The following ATAT1 variants were observed in gnomAD, a reference collection of about 807,000 sequenced individuals.
ATAT1 encodes the protein alpha-tubulin N-acetyltransferase 1.
Under a neutral mutation model 57.2 loss-of-function variants are expected in ATAT1, and 42 were observed. The ratio of observed to expected loss-of-function variants is 0.73; its 90% CI spans 0.57 to 0.95. The LOEUF (loss-of-function observed/expected upper bound fraction) is 0.95. Ranked by LOEUF, ATAT1 falls within the 40% of genes least tolerant of loss-of-function variation. ATAT1 has a pLI of 0.00. For synonymous variants in ATAT1, 168 were observed against 187.1 expected (o/e 0.90, Z 0.83); for missense variants, 454 against 523.7 (o/e 0.87, Z 1.30).
In ATAT1 at chr6:30,626,901, G is replaced by A; in HGVS notation, c.-303G>A. On this transcript the variant is annotated 5_prime_UTR_variant, in exon 1 of 13. Transcript: ENST00000330083. ...ACAATGGGCCATGGAGTTCCCGTTCGATGTGGACGCGCTGTTCCCGGAGCG... is the reference window on the plus strand; with the variant it reads ...ACAATGGGCCATGGAGTTCCCGTTCAATGTGGACGCGCTGTTCCCGGAGCG... 1.2e-6 allele frequency: 2 copies of A among 1,608,566 alleles called. No homozygotes were observed. Among genetic ancestry groups the A allele is most frequent in the Non-Finnish European group, 1.7e-6 (2 of 1,178,320 alleles).
chr6:30,631,644 T>G (rs906887927), intron 6 of ATAT1, among the ~76,000 whole-genome samples: 3 of 150,484 alleles, frequency 2.0e-5, no homozygotes, highest in African/African-American at 7.4e-5. Flanking sequence ...CCAGGTGTAG[T>G]GGCACGCACC....
In ATAT1 at chr6:30,627,250, A is replaced by G. The variant is rs909995610; in HGVS notation, c.47A>G (p.Glu16Gly). Residue 16 changes from glutamate (E) to glycine (G), a missense_variant, in exon 1 of 13, where the codon GAG becomes GGG. By Grantham distance (98) the Glu-to-Gly change is moderately conservative. This residue lies in a region of ATAT1 where 236 missense variants were observed against 284.5 expected (regional missense o/e 0.83). Transcript: ENST00000330083. Reference sequence around the variant, plus strand: ...TGCTTCCTCACAATAACCTTAAGGGAGGAGGGAGTGTGCCACCTTGAAAGG... The same window carrying G: ...TGCTTCCTCACAATAACCTTAAGGGGGGAGGGAGTGTGCCACCTTGAAAGG... The G allele has an allele frequency of 6.2e-7, 1 of 1,613,706 alleles. No individual in the cohort carries two copies. The highest frequency in any genetic ancestry group is 1.7e-5 in the Admixed American group (1 of 59,966).
In ATAT1 at chr6:30,627,047, G is replaced by A. The variant is rs1477302377; in HGVS notation, c.-157G>A. 32 of 1,549,820 alleles carry A rather than the reference G, an allele frequency of 2.1e-5. No individual in the cohort carries two copies. Among genetic ancestry groups the A allele is most frequent in the East Asian group, 2.4e-5 (1 of 41,386 alleles). ...TTTCTCCCGGTTCCTCTCCAAACCT[G>A]GTCCAGGCACCACGCCCCCTTCTCA... On this transcript the variant is annotated 5_prime_UTR_variant, in exon 1 of 13. Coordinates refer to ENST00000330083, the MANE Select transcript of ATAT1 (RefSeq NM_001031722.4).
At chr6:30,637,159 G>A (rs561504525) in intron 6 of ATAT1, among the ~76,000 whole-genome samples, 1 of 152,322 alleles carries the variant, frequency 6.6e-6, no homozygotes, top group East Asian at 1.9e-4. Context: ...GGCCAGAGCA[G>A]TATAGAGTGT....
intron 6 of ATAT1, among the ~76,000 whole-genome samples, chr6:30,635,048 T>C (rs1054720717): frequency 6.6e-6 from 1 of 152,104 alleles, no homozygotes; most frequent in African/African-American, 2.4e-5. Context: ...CTTTAGTGTA[T>C]GTAGTTAGTT....
At chr6:30,630,377 C>T (rs1009849599) in intron 6 of ATAT1, among the ~76,000 whole-genome samples, 6 of 151,916 alleles carry the variant, frequency 3.9e-5, no homozygotes, top group African/African-American at 1.5e-4. Context: ...GGCCCATGCC[C>T]GTAATCCCAG....
intron 10 of ATAT1, chr6:30,643,484 C>G: frequency 7.1e-6 from 11 of 1,549,878 alleles, no homozygotes; most frequent in Non-Finnish European, 9.6e-6. Context: ...CCGCCCCCCG[C>G]CATTTCCCAT....
chr6:30,633,617 C>G (rs1763375432), intron 6 of ATAT1: 1 of 196,504 alleles, frequency 5.1e-6, no homozygotes, highest in African/African-American at 2.4e-5. Context: ...CATCGGATCA[C>G]CGCTGTGCCC....
intron 6 of ATAT1, among the ~76,000 whole-genome samples, chr6:30,632,738 G>A (rs1475739567): frequency 2.6e-5 from 4 of 151,544 alleles, no homozygotes; most frequent in Non-Finnish European, 4.4e-5. Flanking sequence ...TTCAAGACCA[G>A]TCTGGCTAAC....
intron 6 of ATAT1, among the ~76,000 whole-genome samples, chr6:30,630,716 T>A (rs1009528223): frequency 2.8e-4 from 42 of 152,022 alleles, no homozygotes; most frequent in African/African-American, 9.4e-4. Context: ...GGCAGGAGGA[T>A]CACCTGATAT....
intron 6 of ATAT1, among the ~76,000 whole-genome samples, chr6:30,636,517 C>T (rs1229078800): frequency 1.3e-5 from 2 of 151,910 alleles, no homozygotes; most frequent in Non-Finnish European, 2.9e-5. Flanking sequence ...ACCCAGGAGG[C>T]GGAGCTTGCA....
chr6:30,634,849 G>A (rs930074106), intron 6 of ATAT1, among the ~76,000 whole-genome samples: 6 of 152,080 alleles, frequency 3.9e-5, no homozygotes, highest in East Asian at 3.9e-4. Flanking sequence ...TTAGCCAGGC[G>A]TGGTGGCGGG....
intron 8 of ATAT1, 74 bp downstream of exon 8, chr6:30,640,677 G>A: frequency 1.3e-6 from 2 of 1,555,290 alleles, no homozygotes; most frequent in South Asian, 1.1e-5. Flanking sequence ...GGGGTACAGT[G>A]CCATCTGTGG....
intron 10 of ATAT1, chr6:30,644,398 C>G: frequency 3.0e-6 from 3 of 985,828 alleles, no homozygotes; most frequent in Non-Finnish European, 3.6e-6. Flanking sequence ...GATGGGGGAC[C>G]ACTCTTCCTC....
chr6:30,637,168 G>A (rs141557712), intron 6 of ATAT1, among the ~76,000 whole-genome samples: 7 of 152,254 alleles, frequency 4.6e-5, no homozygotes, highest in Admixed American at 4.6e-4. Context: ...AGTATAGAGT[G>A]TAAATAATAA....
intron 12 of ATAT1, 87 bp downstream of exon 12, chr6:30,646,196 A>G: frequency 2.0e-6 from 3 of 1,532,702 alleles, no homozygotes; most frequent in Non-Finnish European, 2.6e-6. Flanking sequence ...CTACTCTTAA[A>G]TCTTATTGTA....
chr6:30,628,694 T>G (rs1209808631), intron 6 of ATAT1, among the ~76,000 whole-genome samples: 1 of 151,968 alleles, frequency 6.6e-6, no homozygotes, highest in Non-Finnish European at 1.5e-5. Flanking sequence ...AACCTCCACT[T>G]CCTGGTTTCA....
intron 6 of ATAT1, among the ~76,000 whole-genome samples, chr6:30,637,020 C>A (rs553593512): frequency 6.6e-6 from 1 of 152,174 alleles, no homozygotes; most frequent in East Asian, 1.9e-4. Context: ...CCAGACGTCT[C>A]GAACTTCTGA....
In ATAT1 at chr6:30,642,833, G is replaced by GGGCCCCCCCCCCCCC; in HGVS notation, c.754_755insGGCCCCCCCCCCCCC (p.Ala252delinsGlyProProProProPro). On this transcript the variant is annotated protein_altering_variant, in exon 10 of 13. Coordinates refer to ENST00000330083, the MANE Select transcript of ATAT1 (RefSeq NM_001031722.4). ...GGCCCCTCGCCGCGCCACACCTCCA[G>GGGCCCCCCCCCCCCC]CCCACCCACCCCCCCGCTCCAGCAG... 4 of 1,537,870 alleles carry GGGCCCCCCCCCCCCC rather than the reference G, an allele frequency of 2.6e-6. No individual in the cohort carries two copies. Among genetic ancestry groups the GGGCCCCCCCCCCCCC allele is most frequent in the East Asian group, 2.4e-5 (1 of 42,456 alleles).
Sources: allele counts gnomAD v4.1 joint callset (sites outside exome capture counted in the v4.1 genomes callset), GRCh38; gene constraint gnomAD v4.1.1; regional missense constraint gnomAD v4.1.1; transcripts MANE v1.5; gene names NCBI Gene and HGNC (gene_info 2026-07-23, HGNC 2026-07-21).